GFRA3: variants seen among roughly 807,000 people sequenced by gnomAD.
GFRA3 encodes GDNF family receptor alpha-3.
In GFRA3, 24 loss-of-function variants were observed where a neutral mutation model predicts 40.0. That is an observed-to-expected ratio of 0.60 (90% CI 0.43 to 0.84). GFRA3 has a LOEUF of 0.84. GFRA3 is among the 40% of genes least tolerant of loss of function. GFRA3 has a pLI of 0.00. For synonymous variants in GFRA3, 203 were observed against 213.5 expected (o/e 0.95, Z 0.43); for missense variants, 405 against 530.6 (o/e 0.76, Z 2.33).
chr5:138,253,579 G>A (rs970042265), intron 6 of GFRA3, among the ~76,000 whole-genome samples, 187 bp downstream of exon 6: 2 of 152,172 alleles, frequency 1.3e-5, no homozygotes, highest in African/African-American at 4.8e-5. Flanking sequence ...CAGGCAGCGT[G>A]GGAGGTTTCT....
chr5:138,273,755 C>G (rs1213785117), intron 1 of GFRA3, among the ~76,000 whole-genome samples: 1 of 152,150 alleles, frequency 6.6e-6, no homozygotes, highest in East Asian at 1.9e-4. Flanking sequence ...GTTCTAAAAC[C>G]AGGCCTTGAA....
At chr5:138,263,826 TC>T (rs1212762291) in intron 2 of GFRA3, among the ~76,000 whole-genome samples, 1 of 152,236 alleles carries the variant, frequency 6.6e-6, no homozygotes, top group Non-Finnish European at 1.5e-5. Context: ...TTCTGTGCCT[TC>T]TCTCTCTTAC....
Position 138,253,135 on chromosome 5 carries a change from ATT to A in GFRA3, c.1114-80_1114-79del, listed in dbSNP as rs755031037. On this transcript the variant is annotated intron_variant, in intron 7 of 7. Coordinates refer to ENST00000274721, the MANE Select transcript of GFRA3 (RefSeq NM_001496.4). ...ACTACCTCAGCCTCAGTCAAGAGGT[ATT>A]CCCCTTCCCCTGAGGTATCCATTAG... 420 of 896,752 alleles carry A rather than the reference ATT, an allele frequency of 4.7e-4. 2 individuals are homozygous for A. The Middle Eastern group carries it at 8.8e-3, about 19-fold the overall frequency. 55.5% of individuals were successfully genotyped at this position (896,752 alleles called of 1,614,324 possible). A position where few individuals can be genotyped will look rare whatever the true frequency, so the allele number is the denominator to read the frequency against.
intron 2 of GFRA3, among the ~76,000 whole-genome samples, chr5:138,263,748 A>G (rs1755742927): frequency 6.6e-6 from 1 of 152,320 alleles, no homozygotes; most frequent in South Asian, 2.1e-4. Context: ...TTACAGCAAC[A>G]TAGTCCGGTA....
chr5:138,265,928 T>A (rs1561652508), intron 1 of GFRA3, among the ~76,000 whole-genome samples: 1 of 152,116 alleles, frequency 6.6e-6, no homozygotes, highest in East Asian at 1.9e-4. Flanking sequence ...ACTTCTGACC[T>A]CAGATGATCT....
chr5:138,256,902 G>A (rs1185611045), intron 4 of GFRA3, among the ~76,000 whole-genome samples: 2 of 148,672 alleles, frequency 1.3e-5, no homozygotes, highest in Non-Finnish European at 1.5e-5. Flanking sequence ...AGCCAAGATC[G>A]TGTCACTGCA....
chr5:138,267,188 C>CTTTTTTTTT (rs56245236), intron 1 of GFRA3: 4 of 101,338 alleles, frequency 3.9e-5, no homozygotes, highest in Non-Finnish European at 7.7e-5. Flanking sequence ...TTCTTTTATG[C>CTTTTTTTTT]TTTTTTTTTT....
intron 2 of GFRA3, among the ~76,000 whole-genome samples, chr5:138,263,430 T>C (rs974453804): frequency 6.6e-6 from 1 of 152,260 alleles, no homozygotes; most frequent in South Asian, 2.1e-4. Flanking sequence ...TCCTCACTTA[T>C]TGCCATGTGA....
chr5:138,264,092 GCCCCAA>G lies in GFRA3; in HGVS notation c.379+163_379+168del, dbSNP rs528941080. 4.3e-3 allele frequency among the ~76,000 whole-genome samples: 659 copies of G among 152,196 alleles called. 1 individual carries two copies. The highest frequency in any genetic ancestry group is 7.1e-3 in the Non-Finnish European group (482 of 67,992). On this transcript the variant is annotated intron_variant, in intron 2 of 7. Transcript: ENST00000274721. ...GGAGAAGAGAGGGCAGTGTTATGGGGCCCCAAGGAGATCCCAGCACTATCCCTCCAC... is the reference window on the plus strand; with the variant it reads ...GGAGAAGAGAGGGCAGTGTTATGGGGGGAGATCCCAGCACTATCCCTCCAC...
At chr5:138,265,915 T>C (rs1028158744) in intron 1 of GFRA3, among the ~76,000 whole-genome samples, 1 of 151,698 alleles carries the variant, frequency 6.6e-6, no homozygotes, top group Non-Finnish European at 1.5e-5. Flanking sequence ...AGACTAGTCT[T>C]GAACTTCTGA....
At chr5:138,257,550 G>A in intron 4 of GFRA3, 89 bp downstream of exon 4, 1 of 1,128,094 alleles carries the variant, frequency 8.9e-7, no homozygotes, top group Non-Finnish European at 1.2e-6. Flanking sequence ...TTCCCTGGGA[G>A]GGTCAGACCC....
At chr5:138,256,610 T>C (rs1755634481) in intron 4 of GFRA3, among the ~76,000 whole-genome samples, 1 of 151,202 alleles carries the variant, frequency 6.6e-6, no homozygotes, top group Non-Finnish European at 1.5e-5. Context: ...ATGGTTAAAT[T>C]AAGTGTAGGG....
rs1052148712 is a variant in GFRA3, at chr5:138,252,680, G to C, written c.*288C>G. Reference sequence around the variant, plus strand: ...TAACTTATTAGATTCTGGTGATCCTGGTAGTCAAGAGGAAGGGCTCAGAAA... The same window carrying C: ...TAACTTATTAGATTCTGGTGATCCTCGTAGTCAAGAGGAAGGGCTCAGAAA... On this transcript the variant is annotated 3_prime_UTR_variant, in exon 8 of 8. Coordinates refer to ENST00000274721, the MANE Select transcript of GFRA3 (RefSeq NM_001496.4). 6.6e-6 allele frequency: 2 copies of C among 304,934 alleles called. No homozygotes were observed. Among genetic ancestry groups the C allele is most frequent in the Admixed American group, 9.0e-5 (2 of 22,256 alleles). 18.9% of individuals were successfully genotyped at this position (304,934 alleles called of 1,614,324 possible).
intron 4 of GFRA3, 53 bp from the exon 5 acceptor site, chr5:138,254,213 T>C: frequency 8.6e-5 from 77 of 892,928 alleles, no homozygotes; most frequent in Middle Eastern, 2.3e-4. Context: ...TGAGATGATG[T>C]CTCACTCTCT....
chr5:138,253,953 C>T (rs1274097394), intron 5 of GFRA3, 53 bp from the exon 6 acceptor site: 2 of 1,585,724 alleles, frequency 1.3e-6, no homozygotes, highest in Non-Finnish European at 1.7e-6. Context: ...ACTTTAGCTC[C>T]CACCTTCTTC....
intron 1 of GFRA3, among the ~76,000 whole-genome samples, chr5:138,266,738 A>G (rs1455246198): frequency 6.6e-6 from 1 of 151,454 alleles, no homozygotes; most frequent in Non-Finnish European, 1.5e-5. Context: ...CAGTGATACA[A>G]TCTCAGCTCA....
chr5:138,269,898 C>T (rs1339757179), intron 1 of GFRA3, among the ~76,000 whole-genome samples: 1 of 150,600 alleles, frequency 6.6e-6, no homozygotes. Context: ...AGTCCCACTA[C>T]TGAGTGTCTA....
At chr5:138,253,415 G>A (rs1407500118) in intron 6 of GFRA3, 40 bp from the exon 7 acceptor site, 3 of 1,272,910 alleles carry the variant, frequency 2.4e-6, no homozygotes, top group East Asian at 2.4e-5. Flanking sequence ...GGGTATGGGG[G>A]CAGGAGATTT....
intron 3 of GFRA3, 74 bp from the exon 4 acceptor site, chr5:138,258,025 G>T: frequency 8.3e-7 from 1 of 1,205,788 alleles, no homozygotes; most frequent in Non-Finnish European, 1.2e-6. Flanking sequence ...CAGGAACCCC[G>T]GAAACCCCTG....
Sources: gnomAD v4.1 joint callset for allele counts (sites outside exome capture counted in the v4.1 genomes callset) on GRCh38, gnomAD v4.1.1 for gene constraint, MANE v1.5 for transcripts, NCBI Gene and HGNC (gene_info 2026-07-23, HGNC 2026-07-21) for gene names.